Variants in ERC2 observed in about 807,000 individuals in gnomAD.
ERC2 encodes ELKS/RAB6-interacting/CAST family member 2.
Under a neutral mutation model 114.8 loss-of-function variants are expected in ERC2, and 42 were observed. That is an observed-to-expected ratio of 0.37 (90% CI 0.29 to 0.47). ERC2 has a LOEUF of 0.47. Among genes scored for constraint, ERC2 ranks in the 20% least tolerant of loss-of-function variants. The pLI is 0.99. For missense variants in ERC2, 939 were observed against 1,150.7 expected (o/e 0.82, Z 2.66); for synonymous variants, 454 against 425.5 (o/e 1.07, Z -0.82).
At chr3:56,414,136 G>A (rs988302177) in intron 2 of ERC2, among the ~76,000 whole-genome samples, 5 of 152,116 alleles carry the variant, frequency 3.3e-5, no homozygotes, top group South Asian at 4.1e-4. Context: ...CTCCTCCCCC[G>A]CAAAGCATGT....
chr3:56,035,855 T>A (rs1002181739), intron 7 of ERC2, among the ~76,000 whole-genome samples: 4 of 152,074 alleles, frequency 2.6e-5, no homozygotes, highest in African/African-American at 9.7e-5. Context: ...ACTTCCAATC[T>A]CATTTACAAG....
intron 3 of ERC2, among the ~76,000 whole-genome samples, chr3:56,287,549 A>T (rs1303661608): frequency 6.6e-6 from 1 of 152,206 alleles, no homozygotes; most frequent in Non-Finnish European, 1.5e-5. Context: ...ATAGTCCCCA[A>T]TTCAACAGGC....
intron 3 of ERC2, among the ~76,000 whole-genome samples, chr3:56,246,104 A>C (rs915592727): frequency 6.6e-6 from 1 of 151,922 alleles, no homozygotes; most frequent in African/African-American, 2.4e-5. Context: ...AAAAAAAAAA[A>C]AAAAAAAAAA....
At chr3:55,622,006 T>TG (rs1003951418) in intron 17 of ERC2, among the ~76,000 whole-genome samples, 17 of 152,194 alleles carry the variant, frequency 1.1e-4, no homozygotes, top group Admixed American at 1.1e-3. Context: ...CCTGGTATAA[T>TG]GGTGCTCTTT....
At chr3:56,153,242 A>C (rs930087588) in intron 4 of ERC2, among the ~76,000 whole-genome samples, 1 of 151,972 alleles carries the variant, frequency 6.6e-6, no homozygotes, top group Non-Finnish European at 1.5e-5. Flanking sequence ...AGATCTCAAG[A>C]AGATCCATGG....
chr3:56,276,172 C>A (rs1480823281), intron 3 of ERC2, among the ~76,000 whole-genome samples: 1 of 152,110 alleles, frequency 6.6e-6, no homozygotes, highest in Non-Finnish European at 1.5e-5. Context: ...TGAAGAAAAT[C>A]AAATCAGCTG....
At chr3:56,422,755 G>A (rs971867269) in intron 2 of ERC2, among the ~76,000 whole-genome samples, 4 of 152,102 alleles carry the variant, frequency 2.6e-5, no homozygotes, top group South Asian at 2.1e-4. Flanking sequence ...AGATCAAATC[G>A]CAGCTCTATT....
At chr3:56,228,140 A>C (rs1301472248) in intron 3 of ERC2, among the ~76,000 whole-genome samples, 1 of 152,182 alleles carries the variant, frequency 6.6e-6, no homozygotes, top group African/African-American at 2.4e-5. Flanking sequence ...GAAACTTCCT[A>C]TATTTTCATC....
At chr3:55,616,488 T>C (rs2148583551) in intron 17 of ERC2, among the ~76,000 whole-genome samples, 1 of 152,266 alleles carries the variant, frequency 6.6e-6, no homozygotes, top group African/African-American at 2.4e-5. Context: ...TAATTGTCAC[T>C]GGACTGTGTA....
chr3:56,005,055 T>C (rs1313851235), intron 10 of ERC2, among the ~76,000 whole-genome samples: 1 of 152,028 alleles, frequency 6.6e-6, no homozygotes, highest in African/African-American at 2.4e-5. Flanking sequence ...TTTTAAACTT[T>C]TGAATTTAGT....
chr3:56,379,909 G>T (rs2059683426), intron 2 of ERC2, among the ~76,000 whole-genome samples: 1 of 152,136 alleles, frequency 6.6e-6, no homozygotes, highest in African/African-American at 2.4e-5. Context: ...CATATTTGGA[G>T]CCTTTGCTCT....
At chr3:56,418,135 G>A (rs958000224) in intron 2 of ERC2, among the ~76,000 whole-genome samples, 6 of 151,810 alleles carry the variant, frequency 4.0e-5, no homozygotes, top group African/African-American at 1.5e-4. Flanking sequence ...AAAAAAAATT[G>A]TTTAATAAAA....
At position 55,600,411 on chromosome 3, in the gene ERC2, G is replaced by C. The variant is rs538318715; in HGVS notation, c.*39+83383C>G. On this transcript the variant is annotated intron_variant, in intron 17 of 17. Transcript: ENST00000288221. ...AGAAAATAACAGGCTGTCTTTAAGA[G>C]CACACATCAAGATGGGCCTCAAGAA... Among the ~76,000 whole-genome samples, 4 of 152,144 alleles carry C rather than the reference G, an allele frequency of 2.6e-5. 1 individual carries two copies. The South Asian group carries it at 8.3e-4, about 32-fold the overall frequency.
At chr3:55,765,149 T>C (rs1157427660) in intron 14 of ERC2, among the ~76,000 whole-genome samples, 2 of 152,226 alleles carry the variant, frequency 1.3e-5, no homozygotes, top group Non-Finnish European at 2.9e-5. Flanking sequence ...TTTCATTTAT[T>C]TATTTTTTGA....
chr3:55,863,543 GA>G (rs2062117845), intron 14 of ERC2, among the ~76,000 whole-genome samples: 1 of 152,032 alleles, frequency 6.6e-6, no homozygotes, highest in African/African-American at 2.4e-5. Flanking sequence ...GTTGGGCTCA[GA>G]AAATTCAAAT....
Position 55,509,638 on chromosome 3 carries a change from A to G in ERC2, c.*1678T>C, listed in dbSNP as rs1475957749. 2 of 152,660 alleles carry G rather than the reference A, an allele frequency of 1.3e-5. No individual in the cohort carries two copies. The highest frequency in any genetic ancestry group is 3.9e-4 in the East Asian group (2 of 5,192). 9.5% of individuals were successfully genotyped at this position (152,660 alleles called of 1,614,324 possible). A position where few individuals can be genotyped will look rare whatever the true frequency, so the allele number is the denominator to read the frequency against. On this transcript the variant is annotated 3_prime_UTR_variant, in exon 18 of 18. Coordinates refer to ENST00000288221, the MANE Select transcript of ERC2 (RefSeq NM_015576.3). ...TATCTTAACCGCGAATGCACCAAGA[A>G]AGAATGGTGCAACTCAGGGACGGTT...
At chr3:55,938,862 TA>T (rs1274711140) in intron 13 of ERC2, among the ~76,000 whole-genome samples, 1 of 152,186 alleles carries the variant, frequency 6.6e-6, no homozygotes, top group Non-Finnish European at 1.5e-5. Context: ...AAGTTACAAT[TA>T]ACAATGGATA....
chr3:56,051,958 C>T (rs2075792334), intron 7 of ERC2, among the ~76,000 whole-genome samples: 1 of 152,014 alleles, frequency 6.6e-6, no homozygotes, highest in African/African-American at 2.4e-5. Context: ...GTTGTTTAGA[C>T]ACAATAAATT....
intron 2 of ERC2, among the ~76,000 whole-genome samples, chr3:56,365,949 TACA>T (rs2059133918): frequency 6.6e-6 from 1 of 152,190 alleles, no homozygotes; most frequent in Non-Finnish European, 1.5e-5. Flanking sequence ...AGACTAAATA[TACA>T]AATGGACATG....
Sources: allele counts gnomAD v4.1 joint callset (sites outside exome capture counted in the v4.1 genomes callset), GRCh38; gene constraint gnomAD v4.1.1; transcripts MANE v1.5; gene names NCBI Gene and HGNC (gene_info 2026-07-23, HGNC 2026-07-21).